MYO18B: variants seen among roughly 807,000 people sequenced by gnomAD.
MYO18B encodes unconventional myosin-XVIIIb.
A neutral mutation model predicts 273.0 loss-of-function variants in MYO18B; 204 were observed. That is an observed-to-expected ratio of 0.75 (90% CI 0.67 to 0.84). The LOEUF (loss-of-function observed/expected upper bound fraction) is 0.84, where lower values mean the gene tolerates loss of function less well. Among genes scored for constraint, MYO18B ranks in the 40% least tolerant of loss-of-function variants. MYO18B has a pLI of 0.00. For missense variants in MYO18B, 3,212 were observed against 3,287.6 expected (o/e 0.98, Z 0.56); for synonymous variants, 1,330 against 1,305.7 (o/e 1.02, Z -0.40).
chr22:25,748,029 A>C (rs1050779799), intron 1 of MYO18B, among the ~76,000 whole-genome samples: 2 of 152,204 alleles, frequency 1.3e-5, no homozygotes, highest in African/African-American at 2.4e-5. Context: ...TTGCAGAGTG[A>C]AATGTCCACT....
chr22:25,913,700 T>A (rs967702954), intron 33 of MYO18B, among the ~76,000 whole-genome samples: 1 of 152,252 alleles, frequency 6.6e-6, no homozygotes, highest in Non-Finnish European at 1.5e-5. Flanking sequence ...AATTGCCTAT[T>A]CATAGAAGTT....
At chr22:25,805,761 T>C (rs2088444176) in intron 12 of MYO18B, among the ~76,000 whole-genome samples, 1 of 152,186 alleles carries the variant, frequency 6.6e-6, no homozygotes, top group South Asian at 2.1e-4. Context: ...CTGCAGAGGA[T>C]GTTTCCAGTT....
intron 34 of MYO18B, 32 bp downstream of exon 34, chr22:25,921,441 GC>G: frequency 3.1e-6 from 5 of 1,588,316 alleles, no homozygotes; most frequent in Non-Finnish European, 4.3e-6. Context: ...TGAGAATCAG[GC>G]TGGGGAGGAT....
chr22:25,908,534 G>A lies in MYO18B; in HGVS notation c.5259+102G>A, dbSNP rs80225275. The A allele has an allele frequency of 4.8e-3, 4,593 of 958,050 alleles. 130 individuals carry two copies. In the African/African-American group the frequency reaches 0.064, roughly 13 times the overall value. 59.3% of individuals were successfully genotyped at this position (958,050 alleles called of 1,614,324 possible). The stretch of plus-strand genomic sequence containing the variant: ...GAGTAGGACAGGGTCTGGGATCTGG[G>A]GACAAGCTCTTTCTGCAATCATCTG... On this transcript the variant is annotated intron_variant, in intron 32 of 43. Transcript: ENST00000335473.
chr22:25,758,923 T>A (rs568038763), intron 1 of MYO18B, among the ~76,000 whole-genome samples: 1 of 152,094 alleles, frequency 6.6e-6, no homozygotes, highest in African/African-American at 2.4e-5. Context: ...CCCGGCTAAT[T>A]TTTTGTATTT....
chr22:25,980,302 T>C (rs1053119111), intron 39 of MYO18B, among the ~76,000 whole-genome samples: 2 of 152,210 alleles, frequency 1.3e-5, no homozygotes, highest in Admixed American at 1.3e-4. Flanking sequence ...AAATGTTAAC[T>C]TTCCAGAAAG....
At chr22:25,911,634 G>A (rs1385369773) in intron 33 of MYO18B, among the ~76,000 whole-genome samples, 1 of 152,190 alleles carries the variant, frequency 6.6e-6, no homozygotes, top group Non-Finnish European at 1.5e-5. Context: ...GTGGTAGAGG[G>A]CTGTCCTGTA....
chr22:25,838,917 CTG>C (rs762543795), intron 17 of MYO18B, among the ~76,000 whole-genome samples: 1 of 151,118 alleles, frequency 6.6e-6, no homozygotes, highest in Non-Finnish European at 1.5e-5. Flanking sequence ...ATGTGTATAT[CTG>C]TGTGTGCCTG....
chr22:25,997,978 CGAGAGAGA>C (rs5844669), intron 40 of MYO18B, among the ~76,000 whole-genome samples: 9 of 144,640 alleles, frequency 6.2e-5, no homozygotes, highest in Non-Finnish European at 1.4e-4. Flanking sequence ...CACACACACA[CGAGAGAGA>C]GAGAGAGAGA....
chr22:26,024,671 A>C (rs368898816), intron 42 of MYO18B, among the ~76,000 whole-genome samples: 1 of 152,194 alleles, frequency 6.6e-6, no homozygotes, highest in East Asian at 1.9e-4. Context: ...GAAGCCCTTT[A>C]GCCGGGCCCA....
chr22:25,863,853 G>A (rs1033742070), intron 21 of MYO18B, among the ~76,000 whole-genome samples: 3 of 152,178 alleles, frequency 2.0e-5, no homozygotes, highest in African/African-American at 7.2e-5. Context: ...TCTTATTCTT[G>A]TGTTTAGCCT....
At position 25,902,743 on chromosome 22, in the gene MYO18B, G is replaced by C; in HGVS notation, c.4947+7G>C. 1.3e-6 allele frequency: 2 copies of C among 1,575,040 alleles called. No individual in the cohort carries two copies. Among genetic ancestry groups the C allele is most frequent in the South Asian group, 1.2e-5 (1 of 85,700 alleles). The stretch of plus-strand genomic sequence containing the variant: ...GCTTCAGCAGCAGCTGAAGGTAAGG[G>C]ATGGGGGACACAGAGCTATCTTGGC... On this transcript the variant is annotated splice_region_variant and intron_variant, in intron 30 of 43. Transcript: ENST00000335473.
At chr22:25,991,421 C>T (rs1177110034) in intron 39 of MYO18B, among the ~76,000 whole-genome samples, 1 of 152,150 alleles carries the variant, frequency 6.6e-6, no homozygotes, top group Non-Finnish European at 1.5e-5. Context: ...GCAGCATTTC[C>T]CCAAGTTGCG....
chr22:25,771,420 A>C (rs1013342569), intron 6 of MYO18B, among the ~76,000 whole-genome samples: 1 of 152,206 alleles, frequency 6.6e-6, no homozygotes. Flanking sequence ...CTAATGGCCT[A>C]TATTTTGGCA....
At chr22:25,998,696 C>T (rs1327480755) in intron 40 of MYO18B, among the ~76,000 whole-genome samples, 1 of 152,208 alleles carries the variant, frequency 6.6e-6, no homozygotes, top group Non-Finnish European at 1.5e-5. Flanking sequence ...CCTAGTAGGA[C>T]AGTCATTGGA....
At chr22:25,957,569 C>T (rs1487262511) in intron 39 of MYO18B, among the ~76,000 whole-genome samples, 2 of 152,180 alleles carry the variant, frequency 1.3e-5, no homozygotes, top group Non-Finnish European at 2.9e-5. Flanking sequence ...AGCAAATTAT[C>T]ACAAGCTGCA....
chr22:25,759,846 T>C lies in MYO18B; in HGVS notation c.-109-1138T>C, dbSNP rs142063210. On this transcript the variant is annotated intron_variant, in intron 1 of 43. Transcript: ENST00000335473. ...TAATTTATTTGACATTCTCTAGTTA[T>C]CGGACTTCATGTCTGCTCTTTCAAT... 2.0e-3 allele frequency among the ~76,000 whole-genome samples: 303 copies of C among 152,346 alleles called. 5 individuals carry two copies. In the East Asian group the frequency reaches 0.044, roughly 22 times the overall value.
Position 25,769,413 on chromosome 22 carries a change from C to A in MYO18B, c.1497C>A (p.Ser499Arg). ...AGGAGGAGGGCAAAGGAGGCCAGAGCAGAGACTCAGACCAGGTGAGGGGGC... is the reference window on the plus strand; with the variant it reads ...AGGAGGAGGGCAAAGGAGGCCAGAGAAGAGACTCAGACCAGGTGAGGGGGC... Reference protein sequence around the residue: ...APQEEGKGGQSRDSDQAPEDR... With the variant: ...APQEEGKGGQRRDSDQAPEDR... The change falls in exon 4 of 44, where the codon AGC (serine) becomes AGA (arginine). Residue 499 changes from serine (S) to arginine (R), a missense_variant. Ser to Arg is a moderately radical substitution (Grantham distance 110). Transcript: ENST00000335473. 1 of 1,551,874 alleles carries A rather than the reference C, an allele frequency of 6.4e-7. No homozygotes were observed. The highest frequency in any genetic ancestry group is 2.4e-5 in the East Asian group (1 of 41,820).
chr22:25,754,296 A>C (rs757471466), intron 1 of MYO18B, among the ~76,000 whole-genome samples: 13 of 152,208 alleles, frequency 8.5e-5, no homozygotes, highest in South Asian at 2.1e-4. Flanking sequence ...TGAGGTGAGA[A>C]TGTGCTTGGA....
Sources: gnomAD v4.1 joint callset for allele counts (sites outside exome capture counted in the v4.1 genomes callset) on GRCh38, gnomAD v4.1.1 for gene constraint, MANE v1.5 for transcripts, NCBI Gene and HGNC (gene_info 2026-07-23, HGNC 2026-07-21) for gene names.